CSMD1: variants seen among roughly 807,000 people sequenced by gnomAD.
The protein encoded by CSMD1 is CUB and Sushi multiple domains 1, also known as CUB and sushi domain-containing protein 1.
In CSMD1, 213 loss-of-function variants were observed where a neutral mutation model predicts 417.5. The ratio of observed to expected loss-of-function variants is 0.51; its 90% CI spans 0.46 to 0.57. The LOEUF is 0.57. Ranked by LOEUF, CSMD1 falls within the 20% of genes least tolerant of loss-of-function variation. The pLI is 0.00. For missense variants in CSMD1, 6,923 were observed against 4,529.7 expected, an observed-to-expected ratio of 1.53 and a Z score of -15.17; for synonymous variants, 2,862 against 1,736.8, an observed-to-expected ratio of 1.65 and a Z score of -16.11.
chr8:4,560,900 C>G (rs1798300941), intron 2 of CSMD1, among the ~76,000 whole-genome samples: 1 of 152,174 alleles, frequency 6.6e-6, no homozygotes, highest in African/African-American at 2.4e-5. Context: ...TCCTAGGACT[C>G]AAACAGGTTC....
At chr8:3,470,536 A>G (rs1416405799) in intron 11 of CSMD1, among the ~76,000 whole-genome samples, 1 of 152,130 alleles carries the variant, frequency 6.6e-6, no homozygotes, top group African/African-American at 2.4e-5. Context: ...CGTATTTTGT[A>G]TGTACATTTG....
chr8:3,858,641 T>C (rs1038194722), intron 5 of CSMD1, among the ~76,000 whole-genome samples: 5 of 151,708 alleles, frequency 3.3e-5, no homozygotes, highest in Non-Finnish European at 7.4e-5. Context: ...CCTTTTTCTA[T>C]GTATTTAATG....
chr8:4,439,832 T>TAA (rs1265763421), intron 2 of CSMD1, among the ~76,000 whole-genome samples: 21 of 152,298 alleles, frequency 1.4e-4, no homozygotes, highest in African/African-American at 4.8e-4. Context: ...TTAAAGGCAC[T>TAA]AATACAGAAG....
intron 3 of CSMD1, among the ~76,000 whole-genome samples, chr8:4,286,981 A>C (rs780403507): frequency 6.6e-6 from 1 of 152,218 alleles, no homozygotes; most frequent in Admixed American, 6.5e-5. Context: ...GCTGACATCC[A>C]CGCCAAGTAA....
At chr8:4,050,319 G>A (rs7814265) in intron 3 of CSMD1, among the ~76,000 whole-genome samples, 4 of 152,084 alleles carry the variant, frequency 2.6e-5, no homozygotes, top group Admixed American at 2.0e-4. Flanking sequence ...GAATACGAAA[G>A]GAGGCTAGTT....
chr8:3,761,016 T>G (rs1797966672), intron 5 of CSMD1, among the ~76,000 whole-genome samples: 1 of 152,204 alleles, frequency 6.6e-6, no homozygotes, highest in South Asian at 2.1e-4. Flanking sequence ...CTGTGGTGTT[T>G]CATTATCTCT....
At chr8:3,116,285 T>G (rs543895799) in intron 42 of CSMD1, among the ~76,000 whole-genome samples, 2 of 152,320 alleles carry the variant, frequency 1.3e-5, no homozygotes, top group East Asian at 3.9e-4. Context: ...GTTTCTTTAT[T>G]AGGTTTACGA....
intron 1 of CSMD1, among the ~76,000 whole-genome samples, chr8:4,773,873 A>T (rs1278771813): frequency 6.6e-6 from 1 of 152,242 alleles, no homozygotes; most frequent in African/African-American, 2.4e-5. Flanking sequence ...ACCAGTGCCC[A>T]AACTATTAAA....
rs959397041 is a variant in CSMD1 at position 3,091,483 on chromosome 8, C to A, written c.7285+33G>T. ...AATGAAAATCACCTGTTTTAAAATA[C>A]TTTCATATAAAATCTAAACCTCATT... On this transcript the variant is annotated intron_variant, in intron 48 of 69. Coordinates refer to ENST00000635120, the MANE Select transcript of CSMD1 (RefSeq NM_033225.6). 2.6e-6 allele frequency: 4 copies of A among 1,520,640 alleles called. No individual in the cohort carries two copies. The Admixed American group carries it at 6.6e-5, about 25-fold the overall frequency. 94.2% of individuals were successfully genotyped at this position (1,520,640 alleles called of 1,614,324 possible).
chr8:4,537,064 TC>T (rs1797137620), intron 2 of CSMD1, among the ~76,000 whole-genome samples: 1 of 152,174 alleles, frequency 6.6e-6, no homozygotes, highest in Non-Finnish European at 1.5e-5. Flanking sequence ...GCTTAGACAA[TC>T]AAAGACAGAA....
intron 47 of CSMD1, among the ~76,000 whole-genome samples, chr8:3,095,197 T>C (rs193220263): frequency 4.9e-4 from 74 of 152,264 alleles, no homozygotes; most frequent in African/African-American, 1.3e-3. Flanking sequence ...TAATTAAATA[T>C]ACTTTTATGT....
intron 3 of CSMD1, among the ~76,000 whole-genome samples, chr8:4,234,436 G>A (rs1237324149): frequency 6.6e-6 from 1 of 152,030 alleles, no homozygotes; most frequent in East Asian, 1.9e-4. Flanking sequence ...AACTACCTTT[G>A]CTACCAAGAC....
intron 2 of CSMD1, among the ~76,000 whole-genome samples, chr8:4,568,196 T>G (rs548702324): frequency 2.6e-5 from 4 of 152,316 alleles, no homozygotes; most frequent in African/African-American, 9.6e-5. Context: ...AGTGCCAGTT[T>G]GACACATGGG....
intron 5 of CSMD1, among the ~76,000 whole-genome samples, chr8:3,775,153 A>T (rs1018779029): frequency 4.6e-5 from 7 of 152,242 alleles, no homozygotes; most frequent in Non-Finnish European, 1.5e-5. Flanking sequence ...ATAAGGAGGA[A>T]CTACTGTATT....
intron 1 of CSMD1, among the ~76,000 whole-genome samples, chr8:4,670,577 C>G (rs182551229): frequency 2.0e-5 from 3 of 152,246 alleles, no homozygotes; most frequent in African/African-American, 7.2e-5. Flanking sequence ...AAAAATAAAG[C>G]ACATCTTTGC....
At chr8:4,699,114 C>T (rs1477341420) in intron 1 of CSMD1, among the ~76,000 whole-genome samples, 5 of 152,152 alleles carry the variant, frequency 3.3e-5, no homozygotes, top group Non-Finnish European at 7.3e-5. Flanking sequence ...TTTCTCATTA[C>T]TCAATCATTT....
At chr8:4,447,552 G>C (rs997839493) in intron 2 of CSMD1, among the ~76,000 whole-genome samples, 3 of 152,126 alleles carry the variant, frequency 2.0e-5, no homozygotes, top group East Asian at 1.9e-4. Context: ...AGATAACAGA[G>C]TAACACTACA....
intron 1 of CSMD1, among the ~76,000 whole-genome samples, chr8:4,668,309 C>G (rs1805065667): frequency 6.6e-6 from 1 of 151,874 alleles, no homozygotes; most frequent in African/African-American, 2.4e-5. Flanking sequence ...ACTTAGCTTT[C>G]TTGGATGATC....
chr8:4,048,801 T>A (rs761796528), intron 3 of CSMD1, among the ~76,000 whole-genome samples: 1 of 152,222 alleles, frequency 6.6e-6, no homozygotes, highest in Admixed American at 6.5e-5. Context: ...ATACAGTATA[T>A]GTAGTCACAA....
Sources: allele counts gnomAD v4.1 joint callset (sites outside exome capture counted in the v4.1 genomes callset), GRCh38; gene constraint gnomAD v4.1.1; transcripts MANE v1.5; gene names NCBI Gene and HGNC (gene_info 2026-07-23, HGNC 2026-07-21).